DPF3: variants seen among roughly 807,000 people sequenced by gnomAD.
DPF3 encodes double PHD fingers 3, also known as zinc finger protein DPF3.
DPF3 carries 18 observed loss-of-function variants against 56.8 expected under a neutral mutation model. The observed-to-expected ratio is 0.32, with a 90% confidence interval of 0.22 to 0.47. The LOEUF (loss-of-function observed/expected upper bound fraction) is 0.47. Ranked by LOEUF, DPF3 falls within the 20% of genes least tolerant of loss-of-function variation. The pLI is 1.00. For synonymous variants in DPF3, 188 were observed against 180.2 expected, an observed-to-expected ratio of 1.04 and a Z score of -0.35; for missense variants, 403 against 488.8, an observed-to-expected ratio of 0.82 and a Z score of 1.65.
intron 8 of DPF3, among the ~76,000 whole-genome samples, chr14:72,659,784 T>C (rs1599333489): frequency 6.6e-6 from 1 of 152,228 alleles, no homozygotes; most frequent in East Asian, 1.9e-4. Context: ...GTAATAAATA[T>C]GGGAAACTTC....
intron 9 of DPF3, among the ~76,000 whole-genome samples, chr14:72,622,873 G>T (rs1884546742): frequency 6.6e-6 from 1 of 152,030 alleles, no homozygotes; most frequent in African/African-American, 2.4e-5. Context: ...CTCCTCAAAG[G>T]CTCTGCCAAG....
chr14:72,800,577 CATGG>C (rs1239462617), intron 1 of DPF3, among the ~76,000 whole-genome samples: 4 of 146,820 alleles, frequency 2.7e-5, no homozygotes, highest in Non-Finnish European at 4.5e-5. Flanking sequence ...TGCATGCATG[CATGG>C]ATGGATGGAT....
intron 1 of DPF3, among the ~76,000 whole-genome samples, chr14:72,891,479 G>A (rs1004048321): frequency 1.3e-5 from 2 of 151,920 alleles, no homozygotes; most frequent in African/African-American, 2.4e-5. Context: ...CCATCCCTTC[G>A]GCTGGATGTG....
At chr14:72,646,505 C>T (rs1240428889) in intron 8 of DPF3, among the ~76,000 whole-genome samples, 1 of 152,216 alleles carries the variant, frequency 6.6e-6, no homozygotes, top group Non-Finnish European at 1.5e-5. Context: ...AGGCTGGAAC[C>T]AGTAAAACAA....
At chr14:72,710,674 C>T (rs980482065) in intron 6 of DPF3, among the ~76,000 whole-genome samples, 7 of 152,204 alleles carry the variant, frequency 4.6e-5, no homozygotes, top group African/African-American at 1.7e-4. Flanking sequence ...CATTGCTGTG[C>T]AGCTGGTCCG....
At chr14:72,864,671 C>CGGATGGATGGAT (rs59858422) in intron 1 of DPF3, among the ~76,000 whole-genome samples, 16 of 151,166 alleles carry the variant, frequency 1.1e-4, no homozygotes, top group South Asian at 4.2e-4. Flanking sequence ...CAGTAATTAG[C>CGGATGGATGGAT]GGATGGATGG....
chr14:72,861,765 A>AAGAAAGAAAGAG (rs1567261188), intron 1 of DPF3, among the ~76,000 whole-genome samples: 1 of 148,802 alleles, frequency 6.7e-6, no homozygotes, highest in East Asian at 1.9e-4. Context: ...GAAAGAAAGA[A>AAGAAAGAAAGAG]AGAAAGAAAG....
At chr14:72,876,731 G>C (rs770128212) in intron 1 of DPF3, among the ~76,000 whole-genome samples, 7 of 152,166 alleles carry the variant, frequency 4.6e-5, no homozygotes, top group Non-Finnish European at 5.9e-5. Context: ...AGACCCCACT[G>C]TCCTTCTGAA....
intron 3 of DPF3, among the ~76,000 whole-genome samples, chr14:72,752,248 T>A (rs1461006043): frequency 6.6e-6 from 1 of 152,112 alleles, no homozygotes; most frequent in Non-Finnish European, 1.5e-5. Context: ...CTGAGTCACA[T>A]CCCAGCCTGG....
chr14:72,838,383 G>GT (rs1321499167), intron 1 of DPF3, among the ~76,000 whole-genome samples: 1 of 152,142 alleles, frequency 6.6e-6, no homozygotes, highest in Non-Finnish European at 1.5e-5. Flanking sequence ...AATCTCAGCT[G>GT]TTCAGAAGGC....
intron 1 of DPF3, among the ~76,000 whole-genome samples, chr14:72,796,285 T>C (rs1345844491): frequency 6.6e-6 from 1 of 152,152 alleles, no homozygotes. Context: ...GCAGATCACT[T>C]GAGCTCAGGA....
At chr14:72,851,127 G>T (rs1007167408) in intron 1 of DPF3, among the ~76,000 whole-genome samples, 2 of 152,194 alleles carry the variant, frequency 1.3e-5, no homozygotes, top group African/African-American at 4.8e-5. Flanking sequence ...GTGCTTGGGA[G>T]AATTTATGAG....
chr14:72,892,879 T>TA, intron 1 of DPF3, among the ~76,000 whole-genome samples: 1 of 152,162 alleles, frequency 6.6e-6, no homozygotes, highest in African/African-American at 2.4e-5. Flanking sequence ...GACACTAGTT[T>TA]TCCGAGGCCA....
At chr14:72,805,777 C>T (rs111473821) in intron 1 of DPF3, among the ~76,000 whole-genome samples, 8,043 of 151,760 alleles carry the variant, frequency 0.053, 625 homozygotes, top group African/African-American at 0.17. Flanking sequence ...ACCTGGGAGG[C>T]GGAGGTTGCA....
At chr14:72,705,260 T>C (rs189076717) in intron 6 of DPF3, among the ~76,000 whole-genome samples, 2 of 152,094 alleles carry the variant, frequency 1.3e-5, no homozygotes, top group South Asian at 2.1e-4. Flanking sequence ...AAACTGCACA[T>C]GCAAGAGATC....
chr14:72,683,155 C>T lies in DPF3; in HGVS notation c.743-8787G>A, dbSNP rs574968110. ...CAGCCTGGCTAACATAGCAAAACCC[C>T]GCCTCTACTAAAAATACAAAAATTA... On this transcript the variant is annotated intron_variant, in intron 7 of 10. Transcript: ENST00000556509. Among the ~76,000 whole-genome samples, 6 of 152,026 alleles carry T rather than the reference C, an allele frequency of 3.9e-5. No homozygotes were observed. In the South Asian group the frequency reaches 1.0e-3, roughly 26 times the overall value.
chr14:72,885,370 GT>G (rs1886504208), intron 1 of DPF3, among the ~76,000 whole-genome samples: 6 of 4,836 alleles, frequency 1.2e-3, no homozygotes, highest in Admixed American at 4.1e-3. Flanking sequence ...AATTTTTTGG[GT>G]TTGTTTGTTT....
At chr14:72,892,516 T>C in intron 1 of DPF3, 1 of 1,396,034 alleles carries the variant, frequency 7.2e-7, no homozygotes, top group Non-Finnish European at 9.2e-7. Context: ...CTTTCCCTAT[T>C]TCTGATGGGC....
intron 1 of DPF3, among the ~76,000 whole-genome samples, chr14:72,776,678 C>T (rs143974846): frequency 2.9e-4 from 44 of 152,228 alleles, no homozygotes; most frequent in African/African-American, 9.9e-4. Context: ...CTGCTTGCTC[C>T]GATTTCTCAG....
Sources: allele counts gnomAD v4.1 joint callset (sites outside exome capture counted in the v4.1 genomes callset), GRCh38; gene constraint gnomAD v4.1.1; transcripts MANE v1.5; gene names NCBI Gene and HGNC (gene_info 2026-07-23, HGNC 2026-07-21).